VWA3B: variants seen among roughly 807,000 people sequenced by gnomAD.
VWA3B encodes the protein von Willebrand factor A domain containing 3B.
Under a neutral mutation model 158.3 loss-of-function variants are expected in VWA3B, and 138 were observed. The observed-to-expected ratio is 0.87, with a 90% CI of 0.76 to 1.00. The LOEUF (loss-of-function observed/expected upper bound fraction) is 1.00. Ranked by LOEUF, VWA3B falls within the 50% of genes least tolerant of loss-of-function variation. The pLI, the probability that VWA3B is intolerant of heterozygous loss-of-function variation, is 0.00. For synonymous variants in VWA3B, 596 were observed against 587.3 expected (o/e 1.01, Z -0.21); for missense variants, 1,555 against 1,565.1 (o/e 0.99, Z 0.11).
chr2:98,180,100 CTT>C (rs1393841109), intron 8 of VWA3B, among the ~76,000 whole-genome samples: 4 of 133,758 alleles, frequency 3.0e-5, no homozygotes, highest in African/African-American at 1.2e-4. Flanking sequence ...TTCTTTCTTT[CTT>C]TTCTTTCTTT....
intron 25 of VWA3B, among the ~76,000 whole-genome samples, chr2:98,301,162 C>T (rs765266435): frequency 2.1e-4 from 32 of 151,988 alleles, no homozygotes; most frequent in African/African-American, 6.0e-4. Context: ...TGGTAGTGGG[C>T]GCCTGTAGTC....
At chr2:98,186,569 G>A (rs1056831111) in intron 9 of VWA3B, among the ~76,000 whole-genome samples, 10 of 151,230 alleles carry the variant, frequency 6.6e-5, no homozygotes, top group Admixed American at 2.0e-4. Context: ...TTCCCGTCCC[G>A]GCCTGAAAAC....
At chr2:98,126,841 T>C (rs1675402572) in intron 5 of VWA3B, among the ~76,000 whole-genome samples, 1 of 152,106 alleles carries the variant, frequency 6.6e-6, no homozygotes, top group Admixed American at 6.6e-5. Context: ...TCTGTCCTTC[T>C]CCTAAGTCCC....
chr2:98,149,446 G>A (rs1677436733), intron 7 of VWA3B, among the ~76,000 whole-genome samples: 1 of 152,202 alleles, frequency 6.6e-6, no homozygotes, highest in Non-Finnish European at 1.5e-5. Flanking sequence ...CCCTCTAGAG[G>A]TTTCTCATTG....
rs759322762 is a variant in VWA3B, at chr2:98,139,188, C to T, written c.988+5249C>T. Among the ~76,000 whole-genome samples, 46 of 152,218 alleles carry T rather than the reference C, an allele frequency of 3.0e-4. 1 individual carries two copies. The highest frequency in any genetic ancestry group is 8.9e-4 in the African/African-American group (37 of 41,456). On this transcript the variant is annotated intron_variant, in intron 7 of 27. Coordinates refer to ENST00000477737, the MANE Select transcript of VWA3B (RefSeq NM_144992.5). ...GGTGTACTGGGTCCCCCAGCAGTGCCGGCCCACCGGAGCTGCTCTCGATTT... is the reference window on the plus strand; with the variant it reads ...GGTGTACTGGGTCCCCCAGCAGTGCTGGCCCACCGGAGCTGCTCTCGATTT...
intron 4 of VWA3B, among the ~76,000 whole-genome samples, chr2:98,121,069 GT>G (rs953625866): frequency 6.6e-6 from 1 of 152,184 alleles, no homozygotes; most frequent in African/African-American, 2.4e-5. Flanking sequence ...TGTAAACATT[GT>G]TTTTCCTAGT....
intron 25 of VWA3B, among the ~76,000 whole-genome samples, chr2:98,301,745 TCTC>T (rs1185445763): frequency 1.3e-5 from 2 of 152,198 alleles, no homozygotes; most frequent in Admixed American, 1.3e-4. Context: ...GGGGAGGTCT[TCTC>T]TGCCTTCTGG....
At chr2:98,100,480 A>G (rs35280863) in intron 2 of VWA3B, among the ~76,000 whole-genome samples, 93,135 of 152,214 alleles carry the variant, frequency 0.61, 31,155 homozygotes, top group African/African-American at 0.89. Flanking sequence ...ACAGAGGCAC[A>G]ACTAAAGCCC....
chr2:98,200,541 T>C (rs866692068), intron 12 of VWA3B, among the ~76,000 whole-genome samples: 103 of 84,620 alleles, frequency 1.2e-3, no homozygotes, highest in Non-Finnish European at 1.7e-3. Context: ...AGACTCCATC[T>C]CAAAAAAAAA....
At chr2:98,232,308 G>A (rs1189967021) in intron 16 of VWA3B, among the ~76,000 whole-genome samples, 1 of 152,204 alleles carries the variant, frequency 6.6e-6, no homozygotes, top group Non-Finnish European at 1.5e-5. Flanking sequence ...TTTAATGGCT[G>A]CAAGATCTTT....
intron 12 of VWA3B, among the ~76,000 whole-genome samples, chr2:98,201,884 A>G (rs1304508711): frequency 1.3e-5 from 2 of 152,178 alleles, no homozygotes; most frequent in Non-Finnish European, 2.9e-5. Context: ...TTCAAGATGT[A>G]TTATAGATTG....
At chr2:98,223,555 G>A (rs769107503) in intron 14 of VWA3B, among the ~76,000 whole-genome samples, 1 of 152,034 alleles carries the variant, frequency 6.6e-6, no homozygotes, top group Non-Finnish European at 1.5e-5. Flanking sequence ...ATAGTTAAAC[G>A]TTTGAAAATT....
At chr2:98,144,081 A>G (rs1056865093) in intron 7 of VWA3B, among the ~76,000 whole-genome samples, 3 of 152,028 alleles carry the variant, frequency 2.0e-5, no homozygotes, top group Admixed American at 2.0e-4. Context: ...TGTTTACCTT[A>G]TAGGTTGTTA....
intron 7 of VWA3B, among the ~76,000 whole-genome samples, chr2:98,135,014 G>A (rs1169498764): frequency 1.3e-5 from 2 of 152,060 alleles, no homozygotes; most frequent in African/African-American, 4.8e-5. Context: ...CAGAGAATTC[G>A]AGAAAATGCC....
At chr2:98,313,793 C>T (rs1278648168), downstream of VWA3B, among the ~76,000 whole-genome samples, 1 of 152,116 alleles carries the variant, frequency 6.6e-6, no homozygotes, top group African/African-American at 2.4e-5. Flanking sequence ...TGAGCAGAGA[C>T]AAATGACTAC....
chr2:98,143,136 T>C (rs1017306620), intron 7 of VWA3B, among the ~76,000 whole-genome samples: 1 of 151,914 alleles, frequency 6.6e-6, no homozygotes, highest in African/African-American at 2.4e-5. Flanking sequence ...ATCTCCTGGG[T>C]TCAAGTGATT....
intron 7 of VWA3B, among the ~76,000 whole-genome samples, chr2:98,156,483 G>A (rs1178671836): frequency 6.6e-6 from 1 of 152,132 alleles, no homozygotes; most frequent in African/African-American, 2.4e-5. Context: ...CTGAGCAGAT[G>A]CCGGTGCGGG....
Position 98,194,365 on chromosome 2 carries a change from A to C in VWA3B, c.1610A>C (p.Gln537Pro). ...AATAATCATTGTCTCTTTTAGGAAC[A>C]GCTGAAATATAAAAGTAAGTTTAAC... is the stretch of plus-strand genomic sequence containing the variant. ...KDKIIQFIQE[Q>P]LKYKSKFNFV... Residue 537 changes from glutamine (Q) to proline (P), a missense_variant, in exon 12 of 28, where the codon CAG (glutamine) becomes CCG (proline). Transcript: ENST00000477737. 6.2e-7 allele frequency: 1 copy of C among 1,613,678 alleles called. No homozygotes were observed. The highest frequency in any genetic ancestry group is 8.5e-7 in the Non-Finnish European group (1 of 1,179,618).
chr2:98,163,032 G>T (rs558173251), intron 8 of VWA3B, 56 bp downstream of exon 8: 43 of 1,601,326 alleles, frequency 2.7e-5, no homozygotes, highest in Non-Finnish European at 8.5e-7. Context: ...ACTAGCTGGG[G>T]ACCAGGGGCT....
Sources: allele counts gnomAD v4.1 joint callset (sites outside exome capture counted in the v4.1 genomes callset), GRCh38; gene constraint gnomAD v4.1.1; transcripts MANE v1.5; gene names NCBI Gene and HGNC (gene_info 2026-07-23, HGNC 2026-07-21).